Variants in TAF1D observed in about 807,000 individuals in gnomAD.
TAF1D encodes TATA-box binding protein associated factor, RNA polymerase I subunit D.
Under a neutral mutation model 26.2 loss-of-function variants are expected in TAF1D, and 23 were observed. The observed-to-expected ratio is 0.88, with a 90% CI of 0.63 to 1.25. TAF1D has a LOEUF of 1.25. Among genes scored for constraint, TAF1D ranks in the 50% most tolerant of loss-of-function variants. TAF1D has a pLI of 0.00. For synonymous variants in TAF1D, 100 were observed against 105.6 expected, an observed-to-expected ratio of 0.95 and a Z score of 0.33; for missense variants, 299 against 322.0, an observed-to-expected ratio of 0.93 and a Z score of 0.55.
At chr11:93,740,433 G>GAAAAAAAA (rs59420824) in intron 1 of TAF1D, among the ~76,000 whole-genome samples, 2 of 48,394 alleles carry the variant, frequency 4.1e-5, no homozygotes, top group African/African-American at 1.4e-4. Context: ...CCTGTCTCAG[G>GAAAAAAAA]AAAAAAAAAA....
At chr11:93,731,300 A>G, downstream of TAF1D, 1 of 345,708 alleles carries the variant, frequency 2.9e-6, no homozygotes, top group South Asian at 2.2e-5. Flanking sequence ...CTTAGGTTCC[A>G]AAGTATCCTG....
In TAF1D at chr11:93,736,684, A is replaced by C. The variant is rs764211453; in HGVS notation, c.693+10T>G. The C allele has an allele frequency of 6.2e-6, 10 of 1,610,442 alleles. 1 individual carries two copies. In the Admixed American group the frequency reaches 1.2e-4, roughly 19 times the overall value. ...CCCAAAATGGAATAGGAAAAAAATA[A>C]GTCACTTACTGCCAATTTGATATCA... On this transcript the variant is annotated intron_variant, in intron 5 of 5. Coordinates refer to ENST00000448108, the MANE Select transcript of TAF1D (RefSeq NM_024116.4).
downstream of TAF1D, chr11:93,731,950 C>A: frequency 2.1e-6 from 1 of 483,876 alleles, no homozygotes; most frequent in Non-Finnish European, 4.1e-6. Flanking sequence ...AATGTTATTT[C>A]TAATATTGAA....
At chr11:93,730,610 G>C (rs1400188059), downstream of TAF1D, 1 of 575,874 alleles carries the variant, frequency 1.7e-6, no homozygotes, top group Admixed American at 1.9e-5. Flanking sequence ...AAGAGCTCTG[G>C]GTTTCACAGC....
At chr11:93,737,753 G>A (rs1565243388) in intron 3 of TAF1D, among the ~76,000 whole-genome samples, 1 of 152,194 alleles carries the variant, frequency 6.6e-6, no homozygotes, top group Non-Finnish European at 1.5e-5. Context: ...CATAAGGCAT[G>A]TGTGGTTTTA....
intron 5 of TAF1D, 90 bp from the exon 6 acceptor site, chr11:93,736,394 ATAACC>A: frequency 2.7e-6 from 4 of 1,462,466 alleles, no homozygotes; most frequent in African/African-American, 1.4e-5. Flanking sequence ...ATTACTTCAG[ATAACC>A]TAGAGACTAC....
intron 2 of TAF1D, 197 bp downstream of exon 2, chr11:93,739,040 C>T: frequency 1.8e-6 from 1 of 559,498 alleles, no homozygotes; most frequent in Non-Finnish European, 3.1e-6. Context: ...CGAATGTGTC[C>T]CATAATATAT....
At chr11:93,739,134 T>C in intron 2 of TAF1D, 103 bp downstream of exon 2, 1 of 901,422 alleles carries the variant, frequency 1.1e-6, no homozygotes, top group Non-Finnish European at 1.7e-6. Context: ...TGAAATCTAG[T>C]TTTCCTTCTT....
rs765094726 is a variant in TAF1D, at chr11:93,737,143, AATC to A, written c.553_555del (p.Asp185del). ...CGACTGTCAAAATCTTCATTTTCTA[AATC>A]TTCACCAACATTCATTTGCTTCAAT... On this transcript the variant is annotated inframe_deletion, in exon 4 of 6. Coordinates refer to ENST00000448108, the MANE Select transcript of TAF1D (RefSeq NM_024116.4). The A allele has an allele frequency of 1.2e-5, 19 of 1,612,268 alleles. No individual in the cohort carries two copies. Among genetic ancestry groups the A allele is most frequent in the Non-Finnish European group, 1.4e-5 (16 of 1,179,260 alleles).
In TAF1D at chr11:93,736,360, A is replaced by C; in HGVS notation, c.694-56T>G. The C allele has an allele frequency of 2.6e-6, 4 of 1,534,920 alleles. No individual in the cohort carries two copies. In the South Asian group the frequency reaches 5.1e-5, roughly 20 times the overall value. On this transcript the variant is annotated intron_variant, in intron 5 of 5. Coordinates refer to ENST00000448108, the MANE Select transcript of TAF1D (RefSeq NM_024116.4). ...AAGCAATAACTCAAATAGTTTAGTA[A>C]TTACATATAGCTGAATGCCCTGGAT...
At chr11:93,732,585 A>G (rs569744980), downstream of TAF1D, 101 of 404,006 alleles carry the variant, frequency 2.5e-4, no homozygotes, top group Non-Finnish European at 4.6e-4. Context: ...TTCCTTTAAC[A>G]AGTACAATAA....
intron 5 of TAF1D, 160 bp downstream of exon 5, chr11:93,736,534 G>A (rs1177596096): frequency 5.6e-6 from 8 of 1,421,088 alleles, no homozygotes; most frequent in African/African-American, 3.0e-5. Context: ...TCTTTATCAA[G>A]TCTCTAAAAA....
At chr11:93,733,135 C>A, downstream of TAF1D, 1 of 462,934 alleles carries the variant, frequency 2.2e-6, no homozygotes, top group Non-Finnish European at 4.3e-6. Context: ...TAGAAAGTAC[C>A]AATTAAAGAT....
chr11:93,739,027 C>T (rs1941295955), intron 2 of TAF1D: 3 of 543,778 alleles, frequency 5.5e-6, no homozygotes, highest in Non-Finnish European at 9.7e-6. Flanking sequence ...CATTTTTTCT[C>T]GACGAATGTG....
rs187738453 is a variant in TAF1D at position 93,735,910 on chromosome 11, C to G, written c.*251G>C. 6.5e-4 allele frequency: 812 copies of G among 1,248,560 alleles called. 5 individuals are homozygous for G. The African/African-American group carries it at 9.8e-3, about 15-fold the overall frequency. 77.3% of individuals were successfully genotyped at this position (1,248,560 alleles called of 1,614,324 possible). A position where few individuals can be genotyped will look rare whatever the true frequency, so the allele number is the denominator to read the frequency against. On this transcript the variant is annotated 3_prime_UTR_variant, in exon 6 of 6. Coordinates refer to ENST00000448108, the MANE Select transcript of TAF1D (RefSeq NM_024116.4). ...CACCTGTAAGCTCTTATTCAGAAATCAAATGACAATTTCTCAAATTTTTCT... is the reference window on the plus strand; with the variant it reads ...CACCTGTAAGCTCTTATTCAGAAATGAAATGACAATTTCTCAAATTTTTCT...
intron 3 of TAF1D, 124 bp downstream of exon 3, chr11:93,737,985 T>C (rs919812136): frequency 1.8e-6 from 2 of 1,137,576 alleles, no homozygotes; most frequent in Non-Finnish European, 2.4e-6. Context: ...TAAGTCAGTA[T>C]AGAAGAGTAT....
chr11:93,739,175 A>C, intron 2 of TAF1D, 62 bp downstream of exon 2: 1 of 1,292,466 alleles, frequency 7.7e-7, no homozygotes, highest in Non-Finnish European at 1.1e-6. Flanking sequence ...CTTTACTGTC[A>C]CTCATTATAT....
intron 3 of TAF1D, among the ~76,000 whole-genome samples, chr11:93,737,723 T>G (rs114994918): frequency 1.2e-3 from 189 of 152,342 alleles, no homozygotes; most frequent in African/African-American, 4.4e-3. Flanking sequence ...CATCTAGGCC[T>G]TAAGAATATA....
chr11:93,737,011 T>A, intron 4 of TAF1D, 53 bp downstream of exon 4: 1 of 1,427,866 alleles, frequency 7.0e-7, no homozygotes, highest in Non-Finnish European at 9.3e-7. Flanking sequence ...GCAATTAACA[T>A]AGAAATTTAA....
Sources: allele counts gnomAD v4.1 joint callset (sites outside exome capture counted in the v4.1 genomes callset), GRCh38; gene constraint gnomAD v4.1.1; transcripts MANE v1.5; gene names NCBI Gene and HGNC (gene_info 2026-07-23, HGNC 2026-07-21).